MLLT1: variants seen among roughly 807,000 people sequenced by gnomAD.
MLLT1 encodes MLLT1 super elongation complex subunit, also known as protein ENL.
MLLT1 carries 11 observed loss-of-function variants against 55.1 expected under a neutral mutation model. The ratio of observed to expected loss-of-function variants is 0.20; its 90% CI spans 0.13 to 0.33. The LOEUF (loss-of-function observed/expected upper bound fraction) is 0.33, where lower values mean the gene tolerates loss of function less well. MLLT1 is among the 10% of genes least tolerant of loss of function. The pLI is 1.00. For synonymous variants in MLLT1, 323 were observed against 320.1 expected (o/e 1.01, Z -0.10); for missense variants, 536 against 760.6 (o/e 0.70, Z 3.47).
intron 3 of MLLT1, among the ~76,000 whole-genome samples, chr19:6,255,544 G>A (rs1480952364): frequency 6.6e-6 from 1 of 152,096 alleles, no homozygotes; most frequent in South Asian, 2.1e-4. Flanking sequence ...ACAGGTAAAA[G>A]ACTTATGTAT....
At chr19:6,217,057 T>C (rs1458260493) in intron 7 of MLLT1, 1 of 153,492 alleles carries the variant, frequency 6.5e-6, no homozygotes, top group Non-Finnish European at 1.5e-5. Context: ...TTTATATTCC[T>C]GTTACCAAGG....
chr19:6,253,141 C>T (rs12151133), intron 3 of MLLT1, among the ~76,000 whole-genome samples: 52,062 of 150,584 alleles, frequency 0.35, 10,765 homozygotes, highest in African/African-American at 0.59. Context: ...TGGGCACACC[C>T]GTAGTCCCAG....
chr19:6,247,792 T>C (rs1427463418), intron 3 of MLLT1, among the ~76,000 whole-genome samples: 1 of 152,224 alleles, frequency 6.6e-6, no homozygotes, highest in Non-Finnish European at 1.5e-5. Flanking sequence ...AATCTGAAAA[T>C]CTGCAATTTA....
At position 6,256,336 on chromosome 19, in the gene MLLT1, G is replaced by C. The variant is rs371709989; in HGVS notation, c.276+5892C>G. 6.6e-5 allele frequency among the ~76,000 whole-genome samples: 10 copies of C among 152,098 alleles called. No individual in the cohort carries two copies. The highest frequency in any genetic ancestry group is 2.2e-4 in the African/African-American group (9 of 41,402). ...TAGCTGGATGTGGTGGTGCAGGCCCGTGGTTCCAGCTACCTGGGAGGCTGA... is the reference window on the plus strand; with the variant it reads ...TAGCTGGATGTGGTGGTGCAGGCCCCTGGTTCCAGCTACCTGGGAGGCTGA... On this transcript the variant is annotated intron_variant, in intron 3 of 11. Coordinates refer to ENST00000252674, the MANE Select transcript of MLLT1 (RefSeq NM_005934.4). The surrounding 1 kb of genome is among the most constrained non-coding windows in gnomAD (Gnocchi z 4.1).
Position 6,231,094 on chromosome 19 carries a change from C to G in MLLT1, c.277-381G>C, listed in dbSNP as rs1473725964. On this transcript the variant is annotated intron_variant, in intron 3 of 11. Transcript: ENST00000252674. This position sits in a 1 kb window ranked among gnomAD's most constrained non-coding sequence, Gnocchi z 5.1. ...GCCCCAGGCCTCTGAGGCCCACAAT[C>G]TCACCACCTCTATTCCCCACTTCCT... 6.6e-6 allele frequency among the ~76,000 whole-genome samples: 1 copy of G among 152,228 alleles called. No homozygotes were observed. The highest frequency in any genetic ancestry group is 1.5e-5 in the Non-Finnish European group (1 of 68,032).
chr19:6,266,391 G>A (rs2144950919), intron 2 of MLLT1, among the ~76,000 whole-genome samples: 1 of 151,970 alleles, frequency 6.6e-6, no homozygotes, highest in East Asian at 1.9e-4. Context: ...TGTGAGAAGA[G>A]AATAATGGCA....
chr19:6,233,667 C>T (rs1230067541), intron 3 of MLLT1, among the ~76,000 whole-genome samples: 2 of 152,256 alleles, frequency 1.3e-5, no homozygotes, highest in African/African-American at 4.8e-5. Flanking sequence ...GGGCGGCTTC[C>T]ACCACAGGAC....
At chr19:6,215,765 G>A (rs1388125552) in intron 8 of MLLT1, among the ~76,000 whole-genome samples, 1 of 152,176 alleles carries the variant, frequency 6.6e-6, no homozygotes, top group Non-Finnish European at 1.5e-5. Context: ...GGAAAAGCCT[G>A]GACCCCCGCC....
chr19:6,216,237 C>A (rs2090841946), intron 8 of MLLT1, among the ~76,000 whole-genome samples, 168 bp downstream of exon 8: 1 of 152,152 alleles, frequency 6.6e-6, no homozygotes, highest in Non-Finnish European at 1.5e-5. Flanking sequence ...CCCAGGCCCA[C>A]CCCAAGGCCC....
At position 6,213,370 on chromosome 19, in the gene MLLT1, C is replaced by G; in HGVS notation, c.1518G>C (p.Leu506=). The G allele has an allele frequency of 6.2e-7, 1 of 1,612,186 alleles. No individual in the cohort carries two copies. Among genetic ancestry groups the G allele is most frequent in the Non-Finnish European group, 8.5e-7 (1 of 1,179,924 alleles). The part of the protein sequence containing the change: ...TDELVELHRR[L]MALRERNVLQ... ...GCACGTTGCGCTCCCGCAGCGCCAT[C>G]AGCCTCCGGTGTAGCTCCACCAGCT... Residue 506 remains leucine (L), a synonymous_variant, in exon 11 of 12, where the codon CTG becomes CTC. Transcript: ENST00000252674.
chr19:6,249,091 A>G (rs926657247), intron 3 of MLLT1, among the ~76,000 whole-genome samples: 28 of 152,310 alleles, frequency 1.8e-4, no homozygotes, highest in South Asian at 8.3e-4. Flanking sequence ...TGACGTTTCC[A>G]TATCCAAATT....
At chr19:6,217,855 A>C (rs1339914774) in intron 7 of MLLT1, 99 bp downstream of exon 7, 2 of 1,479,002 alleles carry the variant, frequency 1.4e-6, no homozygotes, top group Non-Finnish European at 1.8e-6. Flanking sequence ...TGCAGGGCCC[A>C]GCCTGTGCAG....
chr19:6,233,250 C>T (rs2091029745), intron 3 of MLLT1, among the ~76,000 whole-genome samples: 1 of 152,362 alleles, frequency 6.6e-6, no homozygotes, highest in Non-Finnish European at 1.5e-5. Context: ...CAGCTAGTAA[C>T]ACAGTTGGCA....
intron 2 of MLLT1, among the ~76,000 whole-genome samples, chr19:6,268,558 T>G (rs1471381565): frequency 6.6e-6 from 1 of 152,186 alleles, no homozygotes; most frequent in Non-Finnish European, 1.5e-5. Flanking sequence ...AAAAGATACT[T>G]TTTAAGTACC....
intron 1 of MLLT1, among the ~76,000 whole-genome samples, chr19:6,278,181 C>T (rs1182118347): frequency 1.3e-5 from 2 of 152,216 alleles, no homozygotes; most frequent in African/African-American, 4.8e-5. Context: ...GGCTGCCACC[C>T]CCACAGCCCC....
At chr19:6,238,983 C>A (rs748146546) in intron 3 of MLLT1, among the ~76,000 whole-genome samples, 6 of 152,256 alleles carry the variant, frequency 3.9e-5, no homozygotes, top group Non-Finnish European at 7.3e-5. Flanking sequence ...CACCAACACT[C>A]CAGGAGGGCA....
chr19:6,220,295 G>A (rs1388820805), intron 6 of MLLT1, among the ~76,000 whole-genome samples: 3 of 152,228 alleles, frequency 2.0e-5, no homozygotes, highest in Non-Finnish European at 2.9e-5. Context: ...CCTGGGCTTC[G>A]GTGAAGCCCC....
rs151080263 is a variant in MLLT1, at chr19:6,222,306, G to C, written c.925C>G (p.Arg309Gly). Reference sequence around the variant, plus strand: ...CGGGGCGAGGTGCCTGGAGCACTCCGGGACCCCTTCGAGCTGCTCTTCTTC... The same window carrying C: ...CGGGGCGAGGTGCCTGGAGCACTCCCGGACCCCTTCGAGCTGCTCTTCTTC... ...KQKKSSSKGS[R>G]SAPGTSPRTS... Residue 309 changes from arginine to glycine, a missense_variant, in exon 6 of 12, where the codon CGG becomes GGG. Physicochemically the swap from Arg to Gly is moderately radical, Grantham distance 125. Around this residue, in one of 3 missense-constraint regions of MLLT1, gnomAD observed 449 missense variants for 489.0 expected, o/e 0.92. Coordinates refer to ENST00000252674, the MANE Select transcript of MLLT1 (RefSeq NM_005934.4). The surrounding 1 kb of genome is among the most constrained non-coding windows in gnomAD (Gnocchi z 4.1). 1 of 1,597,644 alleles carries C rather than the reference G, an allele frequency of 6.3e-7. No individual in the cohort carries two copies. Among genetic ancestry groups the C allele is most frequent in the Non-Finnish European group, 8.5e-7 (1 of 1,172,660 alleles).
intron 1 of MLLT1, among the ~76,000 whole-genome samples, chr19:6,271,931 G>T (rs569135538): frequency 6.6e-6 from 1 of 152,216 alleles, no homozygotes; most frequent in Non-Finnish European, 1.5e-5. Context: ...TCCAGTACCT[G>T]TCTCTTCTTT....
Sources: allele counts gnomAD v4.1 joint callset (sites outside exome capture counted in the v4.1 genomes callset), GRCh38; gene constraint gnomAD v4.1.1; regional missense constraint gnomAD v4.1.1; non-coding constraint Gnocchi (gnomAD v3.1); transcripts MANE v1.5; gene names NCBI Gene and HGNC (gene_info 2026-07-23, HGNC 2026-07-21).